The following MEMO1 variants were observed in gnomAD, a reference collection of about 807,000 sequenced individuals.
MEMO1 encodes the protein protein MEMO1.
A neutral mutation model predicts 45.2 loss-of-function variants in MEMO1; 6 were observed. That is an observed-to-expected ratio of 0.13 (90% CI 0.07 to 0.26). The LOEUF (loss-of-function observed/expected upper bound fraction) is 0.26. Ranked by LOEUF, MEMO1 falls within the 10% of genes least tolerant of loss-of-function variation. MEMO1 has a pLI of 1.00. For missense variants in MEMO1, 184 were observed against 370.5 expected, an observed-to-expected ratio of 0.50 and a Z score of 4.13; for synonymous variants, 78 against 124.3, an observed-to-expected ratio of 0.63 and a Z score of 2.48.
At chr2:31,917,004 G>A (rs1462510781) in intron 6 of MEMO1, among the ~76,000 whole-genome samples, 2 of 152,134 alleles carry the variant, frequency 1.3e-5, no homozygotes, top group African/African-American at 2.4e-5. Flanking sequence ...ATTATGAAAA[G>A]GCCTTGGGCT....
chr2:31,916,390 C>T (rs1421533641), intron 6 of MEMO1, among the ~76,000 whole-genome samples: 1 of 151,982 alleles, frequency 6.6e-6, no homozygotes, highest in Non-Finnish European at 1.5e-5. Flanking sequence ...CACCACACAC[C>T]GCTAATTTTT....
At chr2:31,955,850 CA>C (rs1443582510) in intron 2 of MEMO1, among the ~76,000 whole-genome samples, 2 of 152,152 alleles carry the variant, frequency 1.3e-5, no homozygotes, top group East Asian at 3.8e-4. Context: ...TCAGGTGATC[CA>C]CTAGCCTCAG....
At chr2:31,968,885 T>C (rs1469222006) in intron 2 of MEMO1, among the ~76,000 whole-genome samples, 1 of 152,114 alleles carries the variant, frequency 6.6e-6, no homozygotes, top group Non-Finnish European at 1.5e-5. Flanking sequence ...AACTAGAAAA[T>C]ACTTTAAAAG....
chr2:31,984,484 T>C (rs2148515065), intron 2 of MEMO1, among the ~76,000 whole-genome samples: 1 of 152,282 alleles, frequency 6.6e-6, no homozygotes, highest in East Asian at 1.9e-4. Context: ...AAACACGATG[T>C]GGTAACCTGG....
At position 31,963,697 on chromosome 2, in the gene MEMO1, A is replaced by G. The variant is rs138223748; in HGVS notation, c.62-20314T>C. On this transcript the variant is annotated intron_variant, in intron 2 of 9. Transcript: ENST00000404530. Reference sequence around the variant, plus strand: ...CCTAATAAATCAATAGATAAAAACAATGTTCATGAATGGCTGCCAATAGCA... The same window carrying G: ...CCTAATAAATCAATAGATAAAAACAGTGTTCATGAATGGCTGCCAATAGCA... Among the ~76,000 whole-genome samples the G allele has an allele frequency of 2.7e-3, 410 of 152,304 alleles. 1 individual carries two copies. The highest frequency in any genetic ancestry group is 7.2e-3 in the Admixed American group (110 of 15,286).
intron 6 of MEMO1, among the ~76,000 whole-genome samples, chr2:31,895,777 G>A (rs1240851879): frequency 6.8e-6 from 1 of 146,246 alleles, no homozygotes; most frequent in Non-Finnish European, 1.5e-5. Context: ...TAAGCACAAA[G>A]AGATCCTCAC....
In MEMO1 at chr2:31,962,160, G is replaced by A. The variant is rs187516891; in HGVS notation, c.62-18777C>T. Among the ~76,000 whole-genome samples the A allele has an allele frequency of 5.2e-3, 792 of 152,260 alleles. 6 individuals are homozygous for A. Among genetic ancestry groups the A allele is most frequent in the Admixed American group, 8.3e-3 (127 of 15,288 alleles). On this transcript the variant is annotated intron_variant, in intron 2 of 9. Transcript: ENST00000404530. ...TCCCACCATTCTGGGAGGCCAAGGC[G>A]AGAGGATTGAGTCCAGGAGGTCGAG...
intron 7 of MEMO1, among the ~76,000 whole-genome samples, chr2:31,891,436 C>A (rs554122682): frequency 1.3e-5 from 2 of 152,168 alleles, no homozygotes; most frequent in East Asian, 1.9e-4. Flanking sequence ...ACTCAAGAGT[C>A]CTTACCCTTA....
At chr2:31,981,032 A>G (rs934288534) in intron 2 of MEMO1, among the ~76,000 whole-genome samples, 21 of 152,264 alleles carry the variant, frequency 1.4e-4, no homozygotes, top group African/African-American at 5.1e-4. Context: ...TTAAATAGTC[A>G]ATCGTACACC....
At chr2:31,981,134 CAG>C in intron 2 of MEMO1, among the ~76,000 whole-genome samples, 1 of 152,296 alleles carries the variant, frequency 6.6e-6, no homozygotes, top group African/African-American at 2.4e-5. Flanking sequence ...TAGAAGAAAA[CAG>C]ACAATCCCCA....
intron 2 of MEMO1, among the ~76,000 whole-genome samples, chr2:31,980,444 A>G (rs973928293): frequency 6.6e-6 from 1 of 152,154 alleles, no homozygotes; most frequent in African/African-American, 2.4e-5. Flanking sequence ...ATAAAAATAA[A>G]TATATAATTT....
chr2:31,912,513 C>CAAAAAAAAAA (rs752295550), intron 6 of MEMO1, among the ~76,000 whole-genome samples: 1 of 60,536 alleles, frequency 1.7e-5, no homozygotes, highest in Non-Finnish European at 3.5e-5. Context: ...AACTCTGTCT[C>CAAAAAAAAAA]AAAAAAAAAA....
At chr2:31,967,183 G>A (rs1668734862) in intron 2 of MEMO1, among the ~76,000 whole-genome samples, 1 of 151,106 alleles carries the variant, frequency 6.6e-6, no homozygotes, top group South Asian at 2.1e-4. Context: ...GAGTGCAGCG[G>A]CGCCATCTCG....
chr2:32,010,778 C>G (rs899753797), intron 1 of MEMO1, among the ~76,000 whole-genome samples, 164 bp downstream of exon 1: 1 of 151,770 alleles, frequency 6.6e-6, no homozygotes, highest in Non-Finnish European at 1.5e-5. Flanking sequence ...TCCTCCCGGC[C>G]GCGCGGCGAG....
chr2:31,933,351 T>A (rs76771693), intron 3 of MEMO1, among the ~76,000 whole-genome samples: 1,816 of 44,142 alleles, frequency 0.041, 120 homozygotes, highest in African/African-American at 0.099. Flanking sequence ...AAAAAAAAAT[T>A]TATATATATA....
chr2:31,990,324 A>T (rs1671788906), intron 2 of MEMO1, among the ~76,000 whole-genome samples: 1 of 152,194 alleles, frequency 6.6e-6, no homozygotes. Context: ...TCTTGTTCCG[A>T]AAGATAGTTA....
intron 4 of MEMO1, among the ~76,000 whole-genome samples, chr2:31,927,145 A>G (rs1419869858): frequency 1.3e-5 from 2 of 152,058 alleles, no homozygotes; most frequent in Non-Finnish European, 2.9e-5. Flanking sequence ...CCTGGCCAAC[A>G]TGGTGAAACC....
intron 6 of MEMO1, among the ~76,000 whole-genome samples, chr2:31,903,464 T>C (rs560237666): frequency 6.1e-4 from 93 of 152,280 alleles, no homozygotes; most frequent in African/African-American, 2.2e-3. Flanking sequence ...ATATAAAAAA[T>C]CTTTACGCTG....
At chr2:31,979,653 AT>A (rs936879668) in intron 2 of MEMO1, among the ~76,000 whole-genome samples, 3 of 152,150 alleles carry the variant, frequency 2.0e-5, no homozygotes, top group Admixed American at 6.6e-5. Context: ...TTTAATCCCA[AT>A]TTTTTAAAAA....
Sources: gnomAD v4.1 joint callset for allele counts (sites outside exome capture counted in the v4.1 genomes callset) on GRCh38, gnomAD v4.1.1 for gene constraint, MANE v1.5 for transcripts, NCBI Gene and HGNC (gene_info 2026-07-23, HGNC 2026-07-21) for gene names.